ULK4: variants seen among roughly 807,000 people sequenced by gnomAD.
ULK4 encodes unc-51 like kinase 4.
In ULK4, 133 loss-of-function variants were observed where a neutral mutation model predicts 160.6. That is an observed-to-expected ratio of 0.83 (90% CI 0.72 to 0.96). The LOEUF is 0.96. Among genes scored for constraint, ULK4 ranks in the 40% least tolerant of loss-of-function variants. The pLI, the probability that ULK4 is intolerant of heterozygous loss-of-function variation, is 0.00. For synonymous variants in ULK4, 534 were observed against 539.8 expected, an observed-to-expected ratio of 0.99 and a Z score of 0.15; for missense variants, 1,580 against 1,499.5, an observed-to-expected ratio of 1.05 and a Z score of -0.89.
At chr3:41,825,055 G>A (rs578053284) in intron 18 of ULK4, among the ~76,000 whole-genome samples, 1 of 152,192 alleles carries the variant, frequency 6.6e-6, no homozygotes, top group Non-Finnish European at 1.5e-5. Flanking sequence ...GGTGAACAGG[G>A]TCTGGAGTGG....
intron 17 of ULK4, among the ~76,000 whole-genome samples, chr3:41,867,969 C>T (rs1049624176): frequency 6.6e-6 from 1 of 152,128 alleles, no homozygotes; most frequent in Non-Finnish European, 1.5e-5. Context: ...TTAATTCCAT[C>T]ATGGTCAGAG....
At chr3:41,596,266 T>A (rs1000331437) in intron 31 of ULK4, among the ~76,000 whole-genome samples, 3 of 152,234 alleles carry the variant, frequency 2.0e-5, no homozygotes, top group African/African-American at 7.2e-5. Flanking sequence ...CAGCATGAAT[T>A]TCCAGCTGAG....
At chr3:41,542,950 G>C (rs2086744771) in intron 32 of ULK4, among the ~76,000 whole-genome samples, 1 of 152,032 alleles carries the variant, frequency 6.6e-6, no homozygotes, top group African/African-American at 2.4e-5. Flanking sequence ...CTATGGACAG[G>C]AATCAGGCTG....
rs551272670 is a variant in ULK4 at position 41,748,172 on chromosome 3, A to G, written c.2321+6189T>C. ...TATATATATATATACACACACACATACACACACCATAGAGACGTATATATA... is the reference window on the plus strand; with the variant it reads ...TATATATATATATACACACACACATGCACACACCATAGAGACGTATATATA... On this transcript the variant is annotated intron_variant, in intron 22 of 36. Transcript: ENST00000301831. Among the ~76,000 whole-genome samples the G allele has an allele frequency of 7.3e-5, 11 of 151,230 alleles. No individual in the cohort carries two copies. The East Asian group carries it at 2.1e-3, about 29-fold the overall frequency.
intron 4 of ULK4, among the ~76,000 whole-genome samples, chr3:41,932,377 G>A (rs1330097529): frequency 1.3e-5 from 2 of 152,166 alleles, no homozygotes; most frequent in Non-Finnish European, 2.9e-5. Context: ...TTATTCAAGT[G>A]AGGAAGCATA....
At chr3:41,864,257 A>C (rs556519989) in intron 17 of ULK4, among the ~76,000 whole-genome samples, 2 of 152,120 alleles carry the variant, frequency 1.3e-5, no homozygotes, top group African/African-American at 4.8e-5. Context: ...CACAATTGCT[A>C]TGTTCTCCCT....
chr3:41,503,144 A>G (rs2085267417), intron 32 of ULK4, among the ~76,000 whole-genome samples: 1 of 152,234 alleles, frequency 6.6e-6, no homozygotes, highest in Non-Finnish European at 1.5e-5. Context: ...GACCCACACG[A>G]ATGTGAAAAG....
intron 2 of ULK4, among the ~76,000 whole-genome samples, chr3:41,940,306 T>C (rs921207197): frequency 1.1e-4 from 16 of 152,062 alleles, no homozygotes; most frequent in South Asian, 2.1e-4. Context: ...GTCAGGGAGA[T>C]TGGATTTGAG....
At chr3:41,291,846 T>C (rs1575401776) in intron 35 of ULK4, among the ~76,000 whole-genome samples, 2 of 142,678 alleles carry the variant, frequency 1.4e-5, no homozygotes, top group Non-Finnish European at 3.0e-5. Context: ...TTTTTTTTTT[T>C]CTGAGACGGA....
chr3:41,643,871 G>T (rs1244822068), intron 30 of ULK4, among the ~76,000 whole-genome samples: 1 of 152,016 alleles, frequency 6.6e-6, no homozygotes, highest in African/African-American at 2.4e-5. Flanking sequence ...ATTTCATTGA[G>T]CAGTGGTTTG....
intron 34 of ULK4, among the ~76,000 whole-genome samples, chr3:41,413,635 C>T (rs1319378468): frequency 6.6e-6 from 1 of 152,130 alleles, no homozygotes; most frequent in Non-Finnish European, 1.5e-5. Flanking sequence ...CCCCATGGAA[C>T]CGTCTTTTTT....
chr3:41,678,586 A>T (rs2035814335), intron 29 of ULK4, among the ~76,000 whole-genome samples: 1 of 152,204 alleles, frequency 6.6e-6, no homozygotes, highest in Non-Finnish European at 1.5e-5. Context: ...ATCCAGCTGT[A>T]TCCACAAGTC....
At chr3:41,513,577 G>A (rs1207683396) in intron 32 of ULK4, among the ~76,000 whole-genome samples, 1 of 152,150 alleles carries the variant, frequency 6.6e-6, no homozygotes, top group Non-Finnish European at 1.5e-5. Flanking sequence ...AGGTTGCAGT[G>A]AGCCAAGATC....
chr3:41,523,988 C>A (rs114625616), intron 32 of ULK4, among the ~76,000 whole-genome samples: 2,052 of 152,162 alleles, frequency 0.013, 54 homozygotes, highest in African/African-American at 0.047. Context: ...TTTGGATGAA[C>A]CTTGAAAATG....
At chr3:41,888,958 T>G (rs1697822771) in intron 16 of ULK4, among the ~76,000 whole-genome samples, 2 of 152,102 alleles carry the variant, frequency 1.3e-5, no homozygotes, top group African/African-American at 4.8e-5. Flanking sequence ...AGAAAGAGAC[T>G]TAGGCAAGCA....
chr3:41,663,832 A>G, intron 29 of ULK4, 133 bp from the exon 30 acceptor site: 1 of 701,068 alleles, frequency 1.4e-6, no homozygotes, highest in South Asian at 1.9e-5. Flanking sequence ...GATTTAAGTA[A>G]TTTACCTCTC....
intron 30 of ULK4, among the ~76,000 whole-genome samples, chr3:41,642,434 G>A (rs759860554): frequency 1.3e-5 from 2 of 152,012 alleles, no homozygotes; most frequent in Non-Finnish European, 2.9e-5. Flanking sequence ...GTGAGAACAT[G>A]CAGTGTTTGG....
chr3:41,263,283 T>C (rs1487575315), intron 35 of ULK4, among the ~76,000 whole-genome samples: 1 of 152,168 alleles, frequency 6.6e-6, no homozygotes, highest in East Asian at 1.9e-4. Context: ...GAGCTGTGTA[T>C]TTGACAACAG....
rs57463009 is a variant in ULK4, at chr3:41,961,550, A to ACCCCTCC, written c.-49+465_-49+466insGGAGGGG. Among the ~76,000 whole-genome samples, 107 of 124,552 alleles carry ACCCCTCC rather than the reference A, an allele frequency of 8.6e-4. 8 individuals carry two copies. The highest frequency in any genetic ancestry group is 1.1e-3 in the Non-Finnish European group (72 of 63,628). 81.7% of individuals were successfully genotyped at this position (124,552 alleles called of 152,430 possible). A position where few individuals can be genotyped will look rare whatever the true frequency, so the allele number is the denominator to read the frequency against. ...ACTCAGGGGCGCTACGTAGTCACTC[A>ACCCCTCC]CCCCCCCCCCCCCCCCCCCCGCTCC... On this transcript the variant is annotated intron_variant, in intron 1 of 36. Coordinates refer to ENST00000301831, the MANE Select transcript of ULK4 (RefSeq NM_017886.4).
Sources: allele counts gnomAD v4.1 joint callset (sites outside exome capture counted in the v4.1 genomes callset), GRCh38; gene constraint gnomAD v4.1.1; transcripts MANE v1.5; gene names NCBI Gene and HGNC (gene_info 2026-07-23, HGNC 2026-07-21).